DMD: variants seen among roughly 807,000 people sequenced by gnomAD.
DMD encodes dystrophin, also known as mutant dystrophin.
A neutral mutation model predicts 330.1 loss-of-function variants in DMD; 63 were observed. That is an observed-to-expected ratio of 0.19 (90% confidence interval 0.16 to 0.24). The LOEUF (loss-of-function observed/expected upper bound fraction) is 0.24, where lower values mean the gene tolerates loss of function less well. Ranked by LOEUF, DMD falls within the 10% of genes least tolerant of loss-of-function variation. DMD has a pLI of 1.00. For missense variants in DMD, 3,344 were observed against 2,684.1 expected, an observed-to-expected ratio of 1.25 and a Z score of -5.43; for synonymous variants, 1,223 against 959.8, an observed-to-expected ratio of 1.27 and a Z score of -5.07.
chrX:32,636,962 C>T (rs1197160179), intron 11 of DMD, among the ~76,000 whole-genome samples: 1 of 109,068 alleles, frequency 9.2e-6, no homozygotes, highest in Non-Finnish European at 1.9e-5. Flanking sequence ...AGCGCCACTG[C>T]ACTCCAGCCT....
At chrX:31,165,529 A>T (rs1004418308) in intron 74 of DMD, among the ~76,000 whole-genome samples, 4 of 112,009 alleles carry the variant, frequency 3.6e-5, no homozygotes, top group Non-Finnish European at 7.5e-5. Flanking sequence ...CTAGGATCAT[A>T]CCTTGAATTT....
In DMD at chrX:32,379,208, C is replaced by CT. The variant is rs376563271; in HGVS notation, c.4845+1301dup. Among the ~76,000 whole-genome samples, 40 of 102,705 alleles carry CT rather than the reference C, an allele frequency of 3.9e-4. 1 individual carries two copies. Among genetic ancestry groups the CT allele is most frequent in the Middle Eastern group, 4.9e-3 (1 of 204 alleles). 89.2% of individuals were successfully genotyped at this position (102,705 alleles called of 115,157 possible). ...AGAAAATAAATGCCAGTTTTCTAAGCTTTTTTTTTTTCCTACTAGATCTCA... is the reference window on the plus strand; with the variant it reads ...AGAAAATAAATGCCAGTTTTCTAAGCTTTTTTTTTTTTCCTACTAGATCTCA... On this transcript the variant is annotated intron_variant, in intron 34 of 78. Transcript: ENST00000357033.
At chrX:32,885,474 T>C (rs2084426273) in intron 2 of DMD, among the ~76,000 whole-genome samples, 2 of 111,753 alleles carry the variant, frequency 1.8e-5, no homozygotes, top group Non-Finnish European at 3.8e-5. Flanking sequence ...GCTTCCCAAT[T>C]GTATATAAAT....
chrX:32,470,280 C>T (rs1179039307), intron 22 of DMD, among the ~76,000 whole-genome samples: 2 of 111,002 alleles, frequency 1.8e-5, no homozygotes, highest in Non-Finnish European at 3.8e-5. Context: ...AAAATTGTCT[C>T]TGGTGTTTTT....
intron 61 of DMD, among the ~76,000 whole-genome samples, chrX:31,325,570 C>T (rs752884084): frequency 9.0e-6 from 1 of 110,724 alleles, no homozygotes; most frequent in Admixed American, 9.6e-5. Context: ...GCTGAAATCG[C>T]ACCACTGCAC....
intron 43 of DMD, among the ~76,000 whole-genome samples, chrX:32,275,786 A>G (rs1405360723): frequency 9.0e-6 from 1 of 111,708 alleles, no homozygotes; most frequent in East Asian, 2.8e-4. Context: ...ACAATTCAAA[A>G]AAGTGAGACG....
At chrX:31,416,655 C>T (rs939692120) in intron 60 of DMD, among the ~76,000 whole-genome samples, 2 of 112,259 alleles carry the variant, frequency 1.8e-5, no homozygotes, top group Admixed American at 1.9e-4. Flanking sequence ...TGTTGGTTAA[C>T]GACATGATTG....
chrX:32,842,474 C>A (rs2080252191), intron 4 of DMD, among the ~76,000 whole-genome samples: 2 of 111,808 alleles, frequency 1.8e-5, no homozygotes, highest in African/African-American at 6.5e-5. Context: ...GGTATGTGTG[C>A]TAGCATGTAC....
At chrX:31,932,395 A>G (rs1025038303) in intron 45 of DMD, among the ~76,000 whole-genome samples, 168 bp from the exon 46 acceptor site, 2 of 112,443 alleles carry the variant, frequency 1.8e-5, no homozygotes, top group African/African-American at 6.5e-5. Context: ...AGTAATTTCA[A>G]TATTTCAAGA....
intron 55 of DMD, among the ~76,000 whole-genome samples, chrX:31,574,134 GT>G (rs748095057): frequency 1.6e-4 from 13 of 83,145 alleles, no homozygotes; most frequent in East Asian, 1.2e-3. Flanking sequence ...TGATCTGTTT[GT>G]TTTTTTTTTT....
intron 34 of DMD, among the ~76,000 whole-genome samples, chrX:32,366,059 C>T (rs1404903306): frequency 1.8e-5 from 2 of 112,182 alleles, no homozygotes; most frequent in African/African-American, 3.2e-5. Context: ...TCCACATACC[C>T]TAGACTAAAA....
chrX:32,748,051 A>G (rs945833740), intron 7 of DMD, among the ~76,000 whole-genome samples: 1 of 111,414 alleles, frequency 9.0e-6, no homozygotes, highest in Non-Finnish European at 1.9e-5. Context: ...ATCCTTAAAG[A>G]AAAAGTGTAG....
intron 44 of DMD, among the ~76,000 whole-genome samples, chrX:32,041,984 C>G (rs1470324976): frequency 1.1e-5 from 1 of 89,794 alleles, no homozygotes; most frequent in Admixed American, 1.3e-4. Context: ...TCCATGCTTC[C>G]CTCCCTCTCT....
chrX:32,090,748 G>A (rs980294580), intron 44 of DMD, among the ~76,000 whole-genome samples: 1 of 110,916 alleles, frequency 9.0e-6, no homozygotes, highest in Non-Finnish European at 1.9e-5. Flanking sequence ...GTTTGGATAT[G>A]ATTCTGAATT....
chrX:31,948,358 G>T (rs1301499818), intron 45 of DMD, among the ~76,000 whole-genome samples: 1 of 111,715 alleles, frequency 9.0e-6, no homozygotes, highest in Non-Finnish European at 1.9e-5. Context: ...TTGAGATTCT[G>T]GTTTTAATTC....
intron 1 of DMD, among the ~76,000 whole-genome samples, chrX:33,105,604 C>A (rs1170409347): frequency 9.0e-6 from 1 of 111,659 alleles, no homozygotes; most frequent in African/African-American, 3.2e-5. Flanking sequence ...CTTTAAAAAG[C>A]TTGGAAACGA....
Position 32,842,568 on chromosome X carries a change from C to T in DMD, c.264+2215G>A, listed in dbSNP as rs1257129208. The stretch of plus-strand genomic sequence containing the variant: ...CCATACACCCTTTCATGATTTATCA[C>T]GTAGGAGTCTCAAAGTTCCCCAGCA... On this transcript the variant is annotated intron_variant, in intron 4 of 78. Transcript: ENST00000357033. 2.7e-5 allele frequency among the ~76,000 whole-genome samples: 3 copies of T among 111,203 alleles called. No homozygotes were observed. In the South Asian group the frequency reaches 1.2e-3, roughly 43 times the overall value.
intron 7 of DMD, among the ~76,000 whole-genome samples, chrX:32,732,412 T>G (rs775368200): frequency 1.6e-3 from 174 of 109,578 alleles, no homozygotes; most frequent in African/African-American, 5.3e-3. Context: ...ATACAGAGAA[T>G]GCCACAAAGA....
intron 47 of DMD, among the ~76,000 whole-genome samples, chrX:31,928,321 G>C (rs2094807120): frequency 9.0e-6 from 1 of 111,559 alleles, no homozygotes; most frequent in Non-Finnish European, 1.9e-5. Flanking sequence ...AAAAAATTTT[G>C]GAGGCTGGGC....
Sources: allele counts gnomAD v4.1 joint callset (sites outside exome capture counted in the v4.1 genomes callset), GRCh38; gene constraint gnomAD v4.1.1; transcripts MANE v1.5; gene names NCBI Gene and HGNC (gene_info 2026-07-23, HGNC 2026-07-21).